The following RHOBTB3 variants were observed in gnomAD, a reference collection of about 807,000 sequenced individuals.
RHOBTB3 encodes the protein Rho related BTB domain containing 3, also known as rho-related BTB domain-containing protein 3.
Under a neutral mutation model 67.2 loss-of-function variants are expected in RHOBTB3, and 47 were observed. The observed-to-expected ratio is 0.70, with a 90% CI of 0.55 to 0.89. The LOEUF (loss-of-function observed/expected upper bound fraction) is 0.89. RHOBTB3 is among the 40% of genes least tolerant of loss of function. The probability of loss-of-function intolerance (pLI) is 0.00; values close to 1 mark genes in which losing one functional copy is unlikely to be tolerated. For missense variants in RHOBTB3, 631 were observed against 750.0 expected, an observed-to-expected ratio of 0.84 and a Z score of 1.85; for synonymous variants, 273 against 274.2, an observed-to-expected ratio of 1.00 and a Z score of 0.04.
chr5:95,730,501 T>G (rs145876557), upstream of RHOBTB3, among the ~76,000 whole-genome samples: 2 of 152,204 alleles, frequency 1.3e-5, no homozygotes, highest in Non-Finnish European at 2.9e-5. Context: ...AGTGCATTAT[T>G]ATGAAAGAAT....
intron 8 of RHOBTB3, among the ~76,000 whole-genome samples, chr5:95,779,773 G>T (rs1053205989): frequency 6.6e-6 from 1 of 152,140 alleles, no homozygotes; most frequent in Non-Finnish European, 1.5e-5. Flanking sequence ...CTACTGTGGT[G>T]TACGGACAGC....
At chr5:95,792,387 A>AG (rs1746426960) in intron 11 of RHOBTB3, among the ~76,000 whole-genome samples, 1 of 83,620 alleles carries the variant, frequency 1.2e-5, no homozygotes, top group South Asian at 4.2e-4. Flanking sequence ...ACTCCGTCTC[A>AG]GAAAAAAAAA....
intron 3 of RHOBTB3, among the ~76,000 whole-genome samples, chr5:95,743,545 A>T (rs1755660245): frequency 6.6e-6 from 1 of 150,732 alleles, no homozygotes; most frequent in Non-Finnish European, 1.5e-5. Context: ...TCTCTCAAGC[A>T]CTCCTAGTTT....
intron 9 of RHOBTB3, among the ~76,000 whole-genome samples, 154 bp downstream of exon 9, chr5:95,780,579 A>G (rs1254353726): frequency 1.3e-5 from 2 of 152,208 alleles, no homozygotes; most frequent in African/African-American, 4.8e-5. Flanking sequence ...CTGGAACAAC[A>G]ATGAATTTTC....
At chr5:95,765,031 AGTT>A (rs1279970231) in intron 7 of RHOBTB3, among the ~76,000 whole-genome samples, 2 of 152,136 alleles carry the variant, frequency 1.3e-5, no homozygotes, top group East Asian at 3.8e-4. Context: ...CAGTTCATCT[AGTT>A]GTCTTGATTA....
At chr5:95,725,496 G>T (rs564592385) in intron 1 of RHOBTB3, among the ~76,000 whole-genome samples, 2 of 152,372 alleles carry the variant, frequency 1.3e-5, no homozygotes, top group East Asian at 1.9e-4. Flanking sequence ...ACACACAAGC[G>T]CACGCCTTTG....
chr5:95,719,779 A>C (rs1754808876), intron 1 of RHOBTB3: 1 of 152,214 alleles, frequency 6.6e-6, no homozygotes, highest in African/African-American at 2.4e-5. Flanking sequence ...TGAACCTGCC[A>C]ATCAGAAGAG....
At chr5:95,741,523 GTT>G (rs70978191) in intron 3 of RHOBTB3, among the ~76,000 whole-genome samples, 4 of 84,830 alleles carry the variant, frequency 4.7e-5, no homozygotes, top group Non-Finnish European at 6.6e-5. Flanking sequence ...CTTTCTTTCT[GTT>G]TTTTTTTTTT....
chr5:95,748,289 C>A, intron 3 of RHOBTB3, 44 bp from the exon 4 acceptor site: 1 of 1,456,978 alleles, frequency 6.9e-7, no homozygotes, highest in Non-Finnish European at 9.3e-7. Flanking sequence ...CTTTTTTTTC[C>A]TGTTTAATTT....
At position 95,731,922 on chromosome 5, in the gene RHOBTB3, G is replaced by A. The variant is rs753696650; in HGVS notation, c.66G>A (p.Ser22=). ...GDTFHQDNRP[S]GLIRTYLGRS... Reference sequence around the variant, plus strand: ...CATTCCACCAGGACAACCGGCCGTCGGGGCTTATCCGCACTTACCTGGGGA... The same window carrying A: ...CATTCCACCAGGACAACCGGCCGTCAGGGCTTATCCGCACTTACCTGGGGA... The change falls in exon 2 of 12, where the codon TCG becomes TCA. Residue 22 remains serine, a synonymous_variant. Transcript: ENST00000379982. The A allele has an allele frequency of 1.9e-6, 3 of 1,614,124 alleles. No homozygotes were observed. Among genetic ancestry groups the A allele is most frequent in the South Asian group, 2.2e-5 (2 of 91,088 alleles).
At position 95,731,871 on chromosome 5, in the gene RHOBTB3, C is replaced by T; in HGVS notation, c.15C>T (p.Ile5=). MSIH[I]VALGNEGDTF... ...TCTGTCCGTGCAGGTCCATCCACAT[C>T]GTGGCGCTGGGGAACGAGGGGGACA... is the stretch of plus-strand genomic sequence containing the variant. The change falls in exon 2 of 12, where the codon ATC becomes ATT. Residue 5 remains isoleucine, a synonymous_variant. Transcript: ENST00000379982. 1.2e-6 allele frequency: 2 copies of T among 1,612,876 alleles called. No individual in the cohort carries two copies. The highest frequency in any genetic ancestry group is 1.1e-5 in the South Asian group (1 of 91,030).
intron 10 of RHOBTB3, among the ~76,000 whole-genome samples, chr5:95,786,927 C>T (rs1746240079): frequency 6.6e-6 from 1 of 152,200 alleles, no homozygotes; most frequent in South Asian, 2.1e-4. Context: ...CAGGTCTGTA[C>T]ATTAGCTAGA....
chr5:95,789,589 C>T (rs1746315178), intron 11 of RHOBTB3: 1 of 152,096 alleles, frequency 6.6e-6, no homozygotes, highest in Admixed American at 6.5e-5. Context: ...TGAAAGATTA[C>T]CTGATCAAGG....
At chr5:95,779,625 A>G (rs1745992014) in intron 8 of RHOBTB3, among the ~76,000 whole-genome samples, 1 of 152,210 alleles carries the variant, frequency 6.6e-6, no homozygotes, top group African/African-American at 2.4e-5. Context: ...AGCAGCAGGC[A>G]TTGTTCAGGT....
At chr5:95,720,783 CA>C in intron 1 of RHOBTB3, among the ~76,000 whole-genome samples, 1 of 152,286 alleles carries the variant, frequency 6.6e-6, no homozygotes, top group South Asian at 2.1e-4. Context: ...ACATAATAAT[CA>C]GTAAAAACAG....
Position 95,761,389 on chromosome 5 carries a change from C to T in RHOBTB3, c.1049-2119C>T, listed in dbSNP as rs187247799. 1.2e-3 allele frequency among the ~76,000 whole-genome samples: 172 copies of T among 140,700 alleles called. 1 individual carries two copies. The highest frequency in any genetic ancestry group is 4.3e-3 in the African/African-American group (160 of 36,920). 92.3% of individuals were successfully genotyped at this position (140,700 alleles called of 152,430 possible). A position where few individuals can be genotyped will look rare whatever the true frequency, so the allele number is the denominator to read the frequency against. On this transcript the variant is annotated intron_variant, in intron 6 of 11. Coordinates refer to ENST00000379982, the MANE Select transcript of RHOBTB3 (RefSeq NM_014899.4). ...ACAGGGTCTCACTCTGTCACTCAGGCTGGAGTGCAGTGGCATGATCATGGC... is the reference window on the plus strand; with the variant it reads ...ACAGGGTCTCACTCTGTCACTCAGGTTGGAGTGCAGTGGCATGATCATGGC...
In RHOBTB3 at chr5:95,737,027, T is replaced by C. The variant is rs1382008671; in HGVS notation, c.367T>C (p.Leu123=). The C allele has an allele frequency of 6.2e-7, 1 of 1,604,676 alleles. No homozygotes were observed. Among genetic ancestry groups the C allele is most frequent in the Non-Finnish European group, 8.5e-7 (1 of 1,172,160 alleles). Residue 123 remains leucine (L), a synonymous_variant, in exon 3 of 12, where the codon TTA becomes CTA. Transcript: ENST00000379982. ...DNYIPVIKRA[L]NSVPVIIAAV... is the part of the protein sequence containing the mutation. Reference sequence around the variant, plus strand: ...TTATATTCCAGTGATAAAAAGAGCATTAAATTCAGTTCCAGTAATTATTGC... The same window carrying C: ...TTATATTCCAGTGATAAAAAGAGCACTAAATTCAGTTCCAGTAATTATTGC...
intron 1 of RHOBTB3, among the ~76,000 whole-genome samples, chr5:95,723,217 C>T (rs1369365787): frequency 6.6e-6 from 1 of 152,112 alleles, no homozygotes; most frequent in Non-Finnish European, 1.5e-5. Flanking sequence ...ATAAAAATCT[C>T]ATAATGTTTT....
intron 8 of RHOBTB3, chr5:95,770,042 GT>G: frequency 2.8e-6 from 1 of 361,246 alleles, no homozygotes; most frequent in Non-Finnish European, 5.6e-6. Flanking sequence ...CACAGGAAAA[GT>G]TGGAGAGGTC....
Sources: gnomAD v4.1 joint callset for allele counts (sites outside exome capture counted in the v4.1 genomes callset) on GRCh38, gnomAD v4.1.1 for gene constraint, MANE v1.5 for transcripts, NCBI Gene and HGNC (gene_info 2026-07-23, HGNC 2026-07-21) for gene names.